Variants in RNF212 observed in about 807,000 individuals in gnomAD.
RNF212 encodes the protein ring finger protein 212.
RNF212 carries 33 observed loss-of-function variants against 34.7 expected under a neutral mutation model. That is an observed-to-expected ratio of 0.95 (90% CI 0.72 to 1.27). The LOEUF is 1.27. RNF212 is among the 50% of genes most tolerant of loss of function. The pLI is 0.00. For missense variants in RNF212, 377 were observed against 362.2 expected (o/e 1.04, Z -0.33); for synonymous variants, 140 against 136.1 (o/e 1.03, Z -0.20).
intron 2 of RNF212, among the ~76,000 whole-genome samples, chr4:1,103,943 C>T (rs1369391846): frequency 6.6e-6 from 1 of 152,138 alleles, no homozygotes; most frequent in African/African-American, 2.4e-5. Flanking sequence ...CGTCCTTATT[C>T]AAAGATAACA....
chr4:1,061,102 T>C (rs1717721665), intron 3 of RNF212, among the ~76,000 whole-genome samples: 1 of 152,200 alleles, frequency 6.6e-6, no homozygotes, highest in African/African-American at 2.4e-5. Context: ...TGAAATCCCG[T>C]TGCAGCTTTG....
chr4:1,058,069 A>C (rs1717454852), intron 4 of RNF212, among the ~76,000 whole-genome samples: 1 of 152,210 alleles, frequency 6.6e-6, no homozygotes, highest in Non-Finnish European at 1.5e-5. Flanking sequence ...GCTAAAAAAA[A>C]AAAAAGCAAA....
chr4:1,103,452 T>C (rs1001559229), intron 2 of RNF212, among the ~76,000 whole-genome samples: 1 of 152,156 alleles, frequency 6.6e-6, no homozygotes, highest in Non-Finnish European at 1.5e-5. Flanking sequence ...GAAAAAAAAC[T>C]TACAGGTCCA....
At chr4:1,080,678 C>A (rs910863543) in intron 7 of RNF212, among the ~76,000 whole-genome samples, 1 of 150,586 alleles carries the variant, frequency 6.6e-6, no homozygotes, top group Admixed American at 6.6e-5. Flanking sequence ...TGCTGGCCCA[C>A]GAGACCCCTC....
intron 4 of RNF212, among the ~76,000 whole-genome samples, chr4:1,057,844 C>A (rs1717436843): frequency 6.6e-6 from 1 of 152,242 alleles, no homozygotes; most frequent in African/African-American, 2.4e-5. Context: ...GCAGGCAGAT[C>A]ACCTGAGGTC....
At chr4:1,071,289 C>T (rs1007416716), downstream of RNF212, among the ~76,000 whole-genome samples, 4 of 151,748 alleles carry the variant, frequency 2.6e-5, no homozygotes, top group African/African-American at 9.7e-5. Flanking sequence ...TTTTAAAATA[C>T]TATTCTTACA....
intron 9 of RNF212, among the ~76,000 whole-genome samples, 178 bp from the exon 10 acceptor site, chr4:1,073,371 A>C (rs1011939315): frequency 2.6e-5 from 4 of 152,126 alleles, no homozygotes; most frequent in Non-Finnish European, 5.9e-5. Flanking sequence ...CATAGAATGC[A>C]AAGGAGCCAG....
intron 4 of RNF212, among the ~76,000 whole-genome samples, chr4:1,089,123 A>G (rs1721790899): frequency 6.6e-6 from 1 of 152,206 alleles, no homozygotes. Flanking sequence ...ACCCATCAAC[A>G]GCTTGCACTG....
In RNF212 at chr4:1,071,780, A is replaced by C. The variant is rs1718520039; in HGVS notation, c.*1094T>G. On this transcript the variant is annotated 3_prime_UTR_variant, in exon 10 of 10. Transcript: ENST00000433731. ...CAGAACACTGACATCATCAAATGTG[A>C]GGACGTGGAGCAACAGGAACTCTCA... is the stretch of plus-strand genomic sequence containing the variant. 6.6e-6 allele frequency: 1 copy of C among 152,266 alleles called. No homozygotes were observed. The highest frequency in any genetic ancestry group is 6.5e-5 in the Admixed American group (1 of 15,286). The allele number at this position is 152,266 out of a possible 1,614,324, so 9.4% of individuals were successfully genotyped here. A position where few individuals can be genotyped will look rare whatever the true frequency, so the allele number is the denominator to read the frequency against.
intron 1 of RNF212, among the ~76,000 whole-genome samples, chr4:1,111,835 A>C (rs372777697): frequency 7.2e-5 from 11 of 152,202 alleles, no homozygotes; most frequent in African/African-American, 2.7e-4. Flanking sequence ...CAAACAACCC[A>C]AAGGGCCATG....
rs920185705 is a variant in RNF212, at chr4:1,108,400, T to C, written c.114A>G (p.Lys38=). 3 of 1,487,410 alleles carry C rather than the reference T, an allele frequency of 2.0e-6. No individual in the cohort carries two copies. The highest frequency in any genetic ancestry group is 2.7e-6 in the Non-Finnish European group (3 of 1,122,226). 92.1% of individuals were successfully genotyped at this position (1,487,410 alleles called of 1,614,324 possible). Residue 38 remains lysine, a synonymous_variant, in exon 2 of 10, where the codon AAA becomes AAG. Transcript: ENST00000433731. The part of the protein sequence containing the change: ...VYCDACLGKG[K]KNECLICKAP... The stretch of plus-strand genomic sequence containing the variant: ...CTTTACAAATCAAGCATTCATTCTT[T>C]TTACCTATAAAATAAAAATAGGCTT...
intron 1 of RNF212, among the ~76,000 whole-genome samples, chr4:1,110,405 G>A (rs925687950): frequency 1.3e-5 from 2 of 152,060 alleles, no homozygotes; most frequent in African/African-American, 4.8e-5. Flanking sequence ...TGTTTGGGTC[G>A]CATTTGGGTC....
chr4:1,103,723 A>G (rs1464888053), intron 2 of RNF212, among the ~76,000 whole-genome samples: 1 of 152,222 alleles, frequency 6.6e-6, no homozygotes, highest in Non-Finnish European at 1.5e-5. Flanking sequence ...ACAAAATTCA[A>G]TACCATTCAT....
chr4:1,105,009 G>C (rs13119696), intron 2 of RNF212, among the ~76,000 whole-genome samples: 124,095 of 152,024 alleles, frequency 0.82, 52,262 homozygotes, highest in East Asian at 1. Flanking sequence ...CTTGTCTGCT[G>C]TCTCCAGGCC....
At chr4:1,056,384 C>T (rs1717332500) in exon 5 of RNF212, 1 of 265,010 alleles carries the variant, frequency 3.8e-6, no homozygotes, top group Non-Finnish European at 5.9e-6. Context: ...GGGGGCAGAG[C>T]GGGTGGCTGG....
At chr4:1,083,400 C>T (rs1319119493) in intron 5 of RNF212, among the ~76,000 whole-genome samples, 8 of 151,996 alleles carry the variant, frequency 5.3e-5, no homozygotes, top group Non-Finnish European at 7.4e-5. Flanking sequence ...CCCAGCACTT[C>T]GGGAGGCTGA....
chr4:1,064,177 A>G lies in RNF212; in HGVS notation n.148-5784T>C, dbSNP rs563346269. Among the ~76,000 whole-genome samples the G allele has an allele frequency of 2.6e-4, 40 of 152,314 alleles. 1 individual carries two copies. The highest frequency in any genetic ancestry group is 1.4e-3 in the Admixed American group (21 of 15,300). On this transcript the variant is annotated intron_variant and non_coding_transcript_variant, in intron 3 of 4. Transcript: ENST00000503206. ...TAATTCAGGAAATAATGACAACACC[A>G]TATTGTTAGATTTATAACACATAGA...
intron 2 of RNF212, among the ~76,000 whole-genome samples, chr4:1,098,182 C>A (rs935515766): frequency 7.0e-6 from 1 of 143,062 alleles, no homozygotes; most frequent in Admixed American, 6.7e-5. Flanking sequence ...GGACAGTGAG[C>A]GCATAGAGTC....
At chr4:1,087,728 G>A (rs1721564494) in intron 4 of RNF212, among the ~76,000 whole-genome samples, 2 of 151,702 alleles carry the variant, frequency 1.3e-5, no homozygotes, top group Admixed American at 6.6e-5. Context: ...AAGAATCTGG[G>A]GGAGGTGATT....
Sources: allele counts gnomAD v4.1 joint callset (sites outside exome capture counted in the v4.1 genomes callset), GRCh38; gene constraint gnomAD v4.1.1; transcripts MANE v1.5; gene names NCBI Gene and HGNC (gene_info 2026-07-23, HGNC 2026-07-21).